The following RSRC1 variants were observed in gnomAD, a reference collection of about 807,000 sequenced individuals.
RSRC1 encodes the protein serine/Arginine-related protein 53.
A neutral mutation model predicts 49.1 loss-of-function variants in RSRC1; 39 were observed. That is an observed-to-expected ratio of 0.79 (90% CI 0.61 to 1.04). RSRC1 has a LOEUF of 1.04. Ranked by LOEUF, RSRC1 falls within the 50% of genes least tolerant of loss-of-function variation. The probability of loss-of-function intolerance (pLI) is 0.00; values close to 1 mark genes in which losing one functional copy is unlikely to be tolerated. For synonymous variants in RSRC1, 143 were observed against 130.8 expected (o/e 1.09, Z -0.63); for missense variants, 388 against 402.4 (o/e 0.96, Z 0.31).
intron 4 of RSRC1, among the ~76,000 whole-genome samples, chr3:158,215,091 G>A (rs531087076): frequency 6.6e-6 from 1 of 151,802 alleles, no homozygotes; most frequent in Admixed American, 6.6e-5. Flanking sequence ...GTATGTTTAA[G>A]ATTGTTGTCT....
At chr3:158,506,243 C>A (rs1578555337) in intron 7 of RSRC1, among the ~76,000 whole-genome samples, 1 of 152,014 alleles carries the variant, frequency 6.6e-6, no homozygotes, top group Admixed American at 6.6e-5. Context: ...GAACTCAAAT[C>A]TTTAACTCAA....
chr3:158,431,951 C>G (rs1408646030), intron 6 of RSRC1, among the ~76,000 whole-genome samples: 1 of 151,954 alleles, frequency 6.6e-6, no homozygotes. Flanking sequence ...GCTTTTTCAT[C>G]ATTTCCAGTT....
chr3:158,163,523 GTC>G (rs1218171520), intron 3 of RSRC1, among the ~76,000 whole-genome samples: 1 of 152,094 alleles, frequency 6.6e-6, no homozygotes, highest in Non-Finnish European at 1.5e-5. Context: ...TTATATTCAT[GTC>G]TCTCTGAATT....
intron 3 of RSRC1, among the ~76,000 whole-genome samples, chr3:158,176,557 AT>A (rs1195078286): frequency 1.3e-5 from 2 of 152,224 alleles, no homozygotes; most frequent in African/African-American, 4.8e-5. Context: ...AGGATTCCCT[AT>A]TTAATAAATG....
At chr3:158,511,081 C>G (rs1740143252) in intron 7 of RSRC1, among the ~76,000 whole-genome samples, 1 of 150,950 alleles carries the variant, frequency 6.6e-6, no homozygotes, top group Non-Finnish European at 1.5e-5. Context: ...CAATTTACTC[C>G]CTAAAGAATT....
chr3:158,197,925 T>G (rs1720742857), intron 3 of RSRC1, among the ~76,000 whole-genome samples: 5 of 152,204 alleles, frequency 3.3e-5, no homozygotes, highest in African/African-American at 9.7e-5. Flanking sequence ...GTGGTCAGTT[T>G]TGGAGTAGGA....
At chr3:158,455,178 C>G (rs1261163264) in intron 6 of RSRC1, among the ~76,000 whole-genome samples, 2 of 152,092 alleles carry the variant, frequency 1.3e-5, no homozygotes, top group Admixed American at 6.5e-5. Flanking sequence ...TTCCTCTAAT[C>G]ATTTTTCTAT....
chr3:158,301,016 G>C (rs139905683), intron 5 of RSRC1, among the ~76,000 whole-genome samples: 11 of 152,182 alleles, frequency 7.2e-5, no homozygotes, highest in South Asian at 2.1e-4. Context: ...ACCTCTTCAA[G>C]GACTGATTTC....
intron 3 of RSRC1, among the ~76,000 whole-genome samples, chr3:158,193,862 A>G (rs978454833): frequency 1.3e-5 from 2 of 152,156 alleles, no homozygotes; most frequent in African/African-American, 2.4e-5. Flanking sequence ...AATGGTAGAA[A>G]TTTCGTATGT....
chr3:158,485,528 T>C (rs973858853), intron 7 of RSRC1, among the ~76,000 whole-genome samples: 1 of 152,260 alleles, frequency 6.6e-6, no homozygotes, highest in East Asian at 1.9e-4. Flanking sequence ...TTCCTGTGAA[T>C]TAAAACCCAT....
chr3:158,127,376 G>A (rs1490707734), intron 3 of RSRC1, among the ~76,000 whole-genome samples: 1 of 151,264 alleles, frequency 6.6e-6, no homozygotes, highest in African/African-American at 2.4e-5. Context: ...TCTTTTTCTT[G>A]TTTGCTTCCC....
Position 158,298,085 on chromosome 3 carries a change from C to T in RSRC1, c.531+10C>T, listed in dbSNP as rs770237799. 44 of 1,591,712 alleles carry T rather than the reference C, an allele frequency of 2.8e-5. No individual in the cohort carries two copies. The Admixed American group carries it at 7.4e-4, about 27-fold the overall frequency. On this transcript the variant is annotated intron_variant, in intron 5 of 9. Transcript: ENST00000611884. ...TGGATTAGAACATCTGGTAAGTTCT[C>T]ATTTTCTCTTGAACATTTGCATCAT...
At chr3:158,362,386 A>C (rs1480757488) in intron 6 of RSRC1, among the ~76,000 whole-genome samples, 2 of 152,200 alleles carry the variant, frequency 1.3e-5, no homozygotes, top group East Asian at 3.9e-4. Context: ...CTTTCCCAGC[A>C]GTTTTAACAA....
intron 4 of RSRC1, among the ~76,000 whole-genome samples, chr3:158,247,382 A>G (rs1473017799): frequency 1.3e-5 from 2 of 152,162 alleles, no homozygotes; most frequent in Non-Finnish European, 2.9e-5. Flanking sequence ...CAGGCATCTT[A>G]GCCTCAGCCC....
intron 3 of RSRC1, among the ~76,000 whole-genome samples, chr3:158,145,391 C>A (rs1717022588): frequency 6.6e-6 from 1 of 152,184 alleles, no homozygotes; most frequent in South Asian, 2.1e-4. Flanking sequence ...TATAGGGAAT[C>A]CTTTCCCCAT....
chr3:158,420,120 C>G (rs1165512743), intron 6 of RSRC1, among the ~76,000 whole-genome samples: 3 of 151,954 alleles, frequency 2.0e-5, no homozygotes, highest in Non-Finnish European at 2.9e-5. Context: ...TGTGTGGTAT[C>G]ACATTTTGGC....
intron 4 of RSRC1, among the ~76,000 whole-genome samples, chr3:158,222,466 C>T (rs988895956): frequency 8.6e-5 from 13 of 151,294 alleles, no homozygotes; most frequent in African/African-American, 2.9e-4. Context: ...TTAGTCATTC[C>T]CCCAGTATTT....
intron 6 of RSRC1, among the ~76,000 whole-genome samples, chr3:158,431,243 G>A (rs1013287666): frequency 7.1e-6 from 1 of 141,816 alleles, no homozygotes; most frequent in Non-Finnish European, 1.5e-5. Context: ...CTGAGTAAAT[G>A]TTTAAATAAC....
chr3:158,378,343 TG>T (rs1732492217), intron 6 of RSRC1, among the ~76,000 whole-genome samples: 1 of 152,194 alleles, frequency 6.6e-6, no homozygotes, highest in Non-Finnish European at 1.5e-5. Flanking sequence ...CTCTCAAGGT[TG>T]GTTGCTGTTG....
Sources: allele counts gnomAD v4.1 joint callset (sites outside exome capture counted in the v4.1 genomes callset), GRCh38; gene constraint gnomAD v4.1.1; transcripts MANE v1.5; gene names NCBI Gene and HGNC (gene_info 2026-07-23, HGNC 2026-07-21).